SLC6A7: variants seen among roughly 807,000 people sequenced by gnomAD.
SLC6A7 encodes the protein solute carrier family 6 member 7.
A neutral mutation model predicts 73.1 loss-of-function variants in SLC6A7; 58 were observed. The observed-to-expected ratio is 0.79, with a 90% CI of 0.64 to 0.99. The LOEUF (loss-of-function observed/expected upper bound fraction) is 0.99. Ranked by LOEUF, SLC6A7 falls within the 50% of genes least tolerant of loss-of-function variation. The probability of loss-of-function intolerance (pLI) is 0.00; values close to 1 mark genes in which losing one functional copy is unlikely to be tolerated. For missense variants in SLC6A7, 783 were observed against 831.4 expected (o/e 0.94, Z 0.72); for synonymous variants, 338 against 338.7 (o/e 1.00, Z 0.02).
At position 150,201,076 on chromosome 5, in the gene SLC6A7, TATC is replaced by T. The variant is rs769925512; in HGVS notation, c.724-9_724-7del. The T allele has an allele frequency of 5.8e-5, 94 of 1,613,192 alleles. 1 individual carries two copies. In the Middle Eastern group the frequency reaches 3.0e-3, roughly 51 times the overall value. On this transcript the variant is annotated splice_polypyrimidine_tract_variant and intron_variant, in intron 5 of 13. Coordinates refer to ENST00000230671, the MANE Select transcript of SLC6A7 (RefSeq NM_014228.5). Reference sequence around the variant, plus strand: ...TCCCCGATGCCATCAGCTCCTCACTTATCATCTCTCAGGTGGTGTATTTCACGG... The same window carrying T: ...TCCCCGATGCCATCAGCTCCTCACTTATCTCTCAGGTGGTGTATTTCACGG...
At chr5:150,209,034 A>G (rs1753833951) in intron 13 of SLC6A7, among the ~76,000 whole-genome samples, 1 of 152,232 alleles carries the variant, frequency 6.6e-6, no homozygotes. Context: ...CCGCGTAATT[A>G]TAGCAACAGC....
At chr5:150,196,308 G>A (rs1056670889) in intron 2 of SLC6A7, among the ~76,000 whole-genome samples, 4 of 152,180 alleles carry the variant, frequency 2.6e-5, no homozygotes, top group African/African-American at 4.8e-5. Flanking sequence ...TTGGGCCCAC[G>A]GAACCACAGG....
chr5:150,205,012 C>T (rs2113986284), intron 12 of SLC6A7, 85 bp downstream of exon 12: 1 of 808,294 alleles, frequency 1.2e-6, no homozygotes, highest in South Asian at 1.6e-5. Context: ...TCTGGTAGGG[C>T]CACCCTGGCC....
intron 5 of SLC6A7, 118 bp from the exon 6 acceptor site, chr5:150,200,971 C>A: frequency 9.9e-7 from 1 of 1,007,914 alleles, no homozygotes. Context: ...GGATGAAGGC[C>A]GGTTCCTGGC....
rs1366025918 is a variant in SLC6A7 at position 150,209,810 on chromosome 5, C to T, written c.*195C>T. 3.3e-6 allele frequency: 2 copies of T among 607,650 alleles called. No individual in the cohort carries two copies. The highest frequency in any genetic ancestry group is 2.0e-5 in the South Asian group (1 of 51,126). 37.6% of individuals were successfully genotyped at this position (607,650 alleles called of 1,614,324 possible). On this transcript the variant is annotated 3_prime_UTR_variant, in exon 14 of 14. Coordinates refer to ENST00000230671, the MANE Select transcript of SLC6A7 (RefSeq NM_014228.5). ...AACCTCTGACAACCCCCTACACACA[C>T]ACACAGGCATACTCAGACCCACTCA... is the stretch of plus-strand genomic sequence containing the variant.
chr5:150,192,069 A>G (rs746176508), intron 1 of SLC6A7, among the ~76,000 whole-genome samples: 6 of 151,678 alleles, frequency 4.0e-5, no homozygotes, highest in Non-Finnish European at 7.4e-5. Context: ...ACCTCCTCTC[A>G]GGGTCCTTTC....
chr5:150,204,605 C>T lies in SLC6A7; in HGVS notation c.1406C>T (p.Thr469Met), dbSNP rs145944402. Residue 469 changes from threonine (T) to methionine (M), a missense_variant, in exon 11 of 14, where the codon ACG becomes ATG. By Grantham distance (81) the Thr-to-Met change is moderately conservative (BLOSUM62 -1). Coordinates refer to ENST00000230671, the MANE Select transcript of SLC6A7 (RefSeq NM_014228.5). Reference sequence around the variant, plus strand: ...GGGCTGATGGTGGTGGTTATCACCACGTGCCTTGCCGTGACACGGGTGTAT... The same window carrying T: ...GGGCTGATGGTGGTGGTTATCACCATGTGCCTTGCCGTGACACGGGTGTAT... The part of the protein sequence containing the change: ...SFGLMVVVIT[T>M]CLAVTRVYGI... 265 of 1,612,946 alleles carry T rather than the reference C, an allele frequency of 1.6e-4. 1 individual carries two copies. The highest frequency in any genetic ancestry group is 3.2e-4 in the African/African-American group (24 of 75,056).
Position 150,209,675 on chromosome 5 carries a change from C to G in SLC6A7, c.*60C>G, listed in dbSNP as rs998278435. 1.5e-6 allele frequency: 2 copies of G among 1,343,016 alleles called. No homozygotes were observed. Among genetic ancestry groups the G allele is most frequent in the African/African-American group, 2.9e-5 (2 of 68,972 alleles). The allele number at this position is 1,343,016 out of a possible 1,614,324, so 83.2% of individuals were successfully genotyped here. A position where few individuals can be genotyped will look rare whatever the true frequency, so the allele number is the denominator to read the frequency against. On this transcript the variant is annotated 3_prime_UTR_variant, in exon 14 of 14. Transcript: ENST00000230671. ...GACCTCACAGTCCCTTCTTAGAAGCCTGCAAAGGTCAGCTGTGCCCTCTGG... is the reference window on the plus strand; with the variant it reads ...GACCTCACAGTCCCTTCTTAGAAGCGTGCAAAGGTCAGCTGTGCCCTCTGG...
chr5:150,200,989 A>T, intron 5 of SLC6A7, 100 bp from the exon 6 acceptor site: 1 of 1,304,332 alleles, frequency 7.7e-7, no homozygotes, highest in Non-Finnish European at 1.1e-6. Context: ...GGCTTGGGCT[A>T]CCCAAAGGCT....
In SLC6A7 at chr5:150,202,448, T is replaced by C. The variant is rs1415472506; in HGVS notation, c.960T>C (p.Tyr320=). ...ASYNTFHQNI[Y]RDTFIVTLGN... ...ACAACACGTTTCACCAGAACATCTA[T>C]AGGTCAGTGTCCCACAGCCTCCCAG... is the stretch of plus-strand genomic sequence containing the variant. The change falls in exon 7 of 14, where the codon TAT becomes TAC. Residue 320 remains tyrosine (Y), a splice_region_variant and synonymous_variant. Coordinates refer to ENST00000230671, the MANE Select transcript of SLC6A7 (RefSeq NM_014228.5). 3.7e-6 allele frequency: 6 copies of C among 1,613,282 alleles called. No homozygotes were observed. The highest frequency in any genetic ancestry group is 5.1e-6 in the Non-Finnish European group (6 of 1,179,246).
chr5:150,191,237 G>A (rs767625563), intron 1 of SLC6A7, among the ~76,000 whole-genome samples: 8 of 152,084 alleles, frequency 5.3e-5, no homozygotes, highest in Non-Finnish European at 1.0e-4. Flanking sequence ...GGCCCCACTG[G>A]GTGTGTGAGG....
rs763857289 is a variant in SLC6A7, at chr5:150,204,857, T to G, written c.1463T>G (p.Met488Arg). ...GIQRFCRDIH[M>R]MLGFKPGLYF... ...CAGAGGTTCTGCCGAGACATCCACATGATGCTGGGCTTCAAGCCGGGCCTC... is the reference window on the plus strand; with the variant it reads ...CAGAGGTTCTGCCGAGACATCCACAGGATGCTGGGCTTCAAGCCGGGCCTC... The change falls in exon 12 of 14, where the codon ATG becomes AGG. Residue 488 changes from methionine (M) to arginine (R), a missense_variant. Transcript: ENST00000230671. The G allele has an allele frequency of 6.2e-7, 1 of 1,612,870 alleles. No homozygotes were observed. The highest frequency in any genetic ancestry group is 8.5e-7 in the Non-Finnish European group (1 of 1,179,382).
At chr5:150,204,071 G>A (rs1167236849) in intron 10 of SLC6A7, 33 bp downstream of exon 10, 8 of 1,602,358 alleles carry the variant, frequency 5.0e-6, no homozygotes, top group East Asian at 2.2e-5. Context: ...TGGCAGGTGG[G>A]CGGGACAAGG....
chr5:150,203,122 T>C (rs1462610035), intron 8 of SLC6A7, among the ~76,000 whole-genome samples: 1 of 151,196 alleles, frequency 6.6e-6, no homozygotes, highest in East Asian at 1.9e-4. Flanking sequence ...TGTGTGCATA[T>C]GCACACATGT....
At chr5:150,194,428 C>T (rs1385965505) in intron 1 of SLC6A7, among the ~76,000 whole-genome samples, 1 of 138,574 alleles carries the variant, frequency 7.2e-6, no homozygotes. Context: ...GACTCTTTCT[C>T]AATTAAAAAA....
In SLC6A7 at chr5:150,209,824, C is replaced by A. The variant is rs1446132677; in HGVS notation, c.*209C>A. On this transcript the variant is annotated 3_prime_UTR_variant, in exon 14 of 14. Coordinates refer to ENST00000230671, the MANE Select transcript of SLC6A7 (RefSeq NM_014228.5). Reference sequence around the variant, plus strand: ...CCCTACACACACACACAGGCATACTCAGACCCACTCAAAGCTGAGAATGAT... The same window carrying A: ...CCCTACACACACACACAGGCATACTAAGACCCACTCAAAGCTGAGAATGAT... 1.7e-6 allele frequency: 1 copy of A among 590,912 alleles called. No individual in the cohort carries two copies. Among genetic ancestry groups the A allele is most frequent in the Non-Finnish European group, 3.0e-6 (1 of 328,226 alleles). The allele number at this position is 590,912 out of a possible 1,614,324, so 36.6% of individuals were successfully genotyped here.
At position 150,210,854 on chromosome 5, in the gene SLC6A7, G is replaced by A. The variant is rs1358397839; in HGVS notation, c.*1239G>A. 1 of 152,526 alleles carries A rather than the reference G, an allele frequency of 6.6e-6. No homozygotes were observed. The highest frequency in any genetic ancestry group is 1.5e-5 in the Non-Finnish European group (1 of 68,194). The allele number at this position is 152,526 out of a possible 1,614,324, so 9.4% of individuals were successfully genotyped here. A position where few individuals can be genotyped will look rare whatever the true frequency, so the allele number is the denominator to read the frequency against. ...GTGGGGGTAGACGCAGAGGGCAGAG[G>A]GTAGCCCTTGGTACTGTGGGTCCCT... On this transcript the variant is annotated 3_prime_UTR_variant, in exon 14 of 14. Coordinates refer to ENST00000230671, the MANE Select transcript of SLC6A7 (RefSeq NM_014228.5).
chr5:150,202,261 G>A (rs1355655943), intron 6 of SLC6A7, 86 bp from the exon 7 acceptor site: 3 of 920,016 alleles, frequency 3.3e-6, no homozygotes, highest in Non-Finnish European at 5.3e-6. Flanking sequence ...GCCATCCCTG[G>A]AGCTGTCACA....
At chr5:150,190,383 C>T (rs1484059173) in intron 1 of SLC6A7, 23 bp downstream of exon 1, 1 of 1,478,002 alleles carries the variant, frequency 6.8e-7, no homozygotes, top group South Asian at 1.3e-5. Flanking sequence ...GGCGGGGGCG[C>T]TGGGGGTGCA....
Sources: allele counts gnomAD v4.1 joint callset (sites outside exome capture counted in the v4.1 genomes callset), GRCh38; gene constraint gnomAD v4.1.1; transcripts MANE v1.5; gene names NCBI Gene and HGNC (gene_info 2026-07-23, HGNC 2026-07-21).